The following FER variants were observed in gnomAD, a reference collection of about 807,000 sequenced individuals.
FER encodes FER tyrosine kinase.
FER carries 63 observed loss-of-function variants against 111.0 expected under a neutral mutation model. The observed-to-expected ratio is 0.57, with a 90% CI of 0.46 to 0.70. The LOEUF is 0.70. Among genes scored for constraint, FER ranks in the 30% least tolerant of loss-of-function variants. The pLI, the probability that FER is intolerant of heterozygous loss-of-function variation, is 0.00. For missense variants in FER, 914 were observed against 954.0 expected, an observed-to-expected ratio of 0.96 and a Z score of 0.55; for synonymous variants, 327 against 313.9, an observed-to-expected ratio of 1.04 and a Z score of -0.44.
chr5:109,092,284 C>CAAAA (rs70999914), intron 16 of FER, among the ~76,000 whole-genome samples: 12 of 40,420 alleles, frequency 3.0e-4, no homozygotes, highest in East Asian at 1.2e-3. Flanking sequence ...CTTATGATGG[C>CAAAA]AAAAAAAAAA....
intron 8 of FER, among the ~76,000 whole-genome samples, chr5:108,879,698 AAAAATATATAT>A (rs1213763279): frequency 3.6e-5 from 4 of 110,812 alleles, no homozygotes; most frequent in African/African-American, 1.8e-4. Flanking sequence ...TAGATTAAAA[AAAAATATATAT>A]ATATATATAT....
At chr5:108,980,244 C>G (rs1561712227) in intron 13 of FER, among the ~76,000 whole-genome samples, 1 of 152,022 alleles carries the variant, frequency 6.6e-6, no homozygotes, top group Non-Finnish European at 1.5e-5. Context: ...TCATTTCAGC[C>G]ATGTACCATG....
chr5:108,972,114 G>T (rs573835921), intron 13 of FER, among the ~76,000 whole-genome samples: 21 of 152,008 alleles, frequency 1.4e-4, no homozygotes, highest in Admixed American at 8.5e-4. Context: ...GGACACATTT[G>T]ATATTCTATA....
At chr5:108,865,056 C>T (rs1041022341) in intron 5 of FER, among the ~76,000 whole-genome samples, 3 of 152,220 alleles carry the variant, frequency 2.0e-5, no homozygotes, top group African/African-American at 7.2e-5. Flanking sequence ...TGTTGTTCTC[C>T]TTGAAGAGGT....
intron 16 of FER, among the ~76,000 whole-genome samples, chr5:109,095,287 CA>C (rs1309666658): frequency 2.6e-5 from 4 of 152,034 alleles, no homozygotes; most frequent in Non-Finnish European, 5.9e-5. Flanking sequence ...TCAGGAAAGC[CA>C]GTATGTTTTT....
intron 10 of FER, among the ~76,000 whole-genome samples, chr5:108,922,978 A>G (rs1439706983): frequency 6.6e-6 from 1 of 152,150 alleles, no homozygotes; most frequent in Non-Finnish European, 1.5e-5. Flanking sequence ...TTGGATTTGA[A>G]TATGTGGCAT....
At chr5:109,000,065 C>T (rs1237371127) in intron 13 of FER, among the ~76,000 whole-genome samples, 1 of 151,564 alleles carries the variant, frequency 6.6e-6, no homozygotes, top group African/African-American at 2.4e-5. Flanking sequence ...TTCTGCATTG[C>T]TATGTGTTGG....
intron 3 of FER, among the ~76,000 whole-genome samples, chr5:108,832,377 G>T (rs145584908): frequency 6.6e-6 from 1 of 152,328 alleles, no homozygotes; most frequent in Admixed American, 6.5e-5. Context: ...TTAAGATGTG[G>T]ATGGGACAAT....
intron 17 of FER, among the ~76,000 whole-genome samples, chr5:109,101,348 A>C (rs1275865897): frequency 6.6e-6 from 1 of 151,962 alleles, no homozygotes; most frequent in African/African-American, 2.4e-5. Context: ...ACTTTATCTA[A>C]CTGGTTTTGT....
chr5:109,027,021 G>C (rs753419275), intron 13 of FER, among the ~76,000 whole-genome samples: 2 of 152,112 alleles, frequency 1.3e-5, no homozygotes, highest in Admixed American at 6.6e-5. Flanking sequence ...TTGTGCATTA[G>C]CTCCAAAATA....
intron 13 of FER, among the ~76,000 whole-genome samples, chr5:109,022,244 A>C (rs73780406): frequency 0.17 from 26,537 of 152,016 alleles, 2,559 homozygotes; most frequent in Non-Finnish European, 0.22. Context: ...GTCTCAAGGG[A>C]AGTCCATTGT....
At chr5:109,087,893 C>T in intron 16 of FER, among the ~76,000 whole-genome samples, 1 of 151,794 alleles carries the variant, frequency 6.6e-6, no homozygotes, top group African/African-American at 2.4e-5. Flanking sequence ...ATTTCTGTCC[C>T]AGGGACAGTC....
chr5:108,756,170 AAAATAAT>A (rs1751088163), intron 1 of FER, among the ~76,000 whole-genome samples: 1 of 143,190 alleles, frequency 7.0e-6, no homozygotes, highest in Non-Finnish European at 1.6e-5. Flanking sequence ...AAAAAAAAAA[AAAATAAT>A]AATAATAAAT....
At chr5:109,024,641 A>G (rs534633572) in intron 13 of FER, among the ~76,000 whole-genome samples, 1 of 152,296 alleles carries the variant, frequency 6.6e-6, no homozygotes, top group Non-Finnish European at 1.5e-5. Context: ...TGCTCTTTGA[A>G]GATAAAGGTA....
intron 10 of FER, among the ~76,000 whole-genome samples, chr5:108,943,934 G>A (rs998047631): frequency 6.6e-6 from 1 of 151,940 alleles, no homozygotes; most frequent in East Asian, 1.9e-4. Flanking sequence ...GGGTCTCACT[G>A]TGTTGCCGAG....
chr5:109,181,496 T>C (rs1313253994), intron 18 of FER, among the ~76,000 whole-genome samples: 2 of 152,086 alleles, frequency 1.3e-5, no homozygotes, highest in South Asian at 2.1e-4. Flanking sequence ...CATTACAAGA[T>C]GGATGACAAC....
chr5:109,148,589 A>G (rs1754486624), intron 17 of FER, among the ~76,000 whole-genome samples: 1 of 152,158 alleles, frequency 6.6e-6, no homozygotes, highest in Non-Finnish European at 1.5e-5. Context: ...CTGGGATACT[A>G]TTTTCATTCT....
At chr5:108,870,985 C>T (rs947674118) in intron 6 of FER, among the ~76,000 whole-genome samples, 3 of 152,014 alleles carry the variant, frequency 2.0e-5, no homozygotes, top group African/African-American at 7.2e-5. Flanking sequence ...GTAACAGACA[C>T]TGGAAAGGAA....
At chr5:109,161,108 T>C (rs867113003) in intron 17 of FER, among the ~76,000 whole-genome samples, 1 of 152,158 alleles carries the variant, frequency 6.6e-6, no homozygotes, top group African/African-American at 2.4e-5. Context: ...GAGCAATGGC[T>C]TAAAGTAAGA....
Sources: allele counts gnomAD v4.1 joint callset (sites outside exome capture counted in the v4.1 genomes callset), GRCh38; gene constraint gnomAD v4.1.1; transcripts MANE v1.5; gene names NCBI Gene and HGNC (gene_info 2026-07-23, HGNC 2026-07-21).